TCTN3: variants seen among roughly 807,000 people sequenced by gnomAD.
TCTN3 encodes the protein tectonic family member 3.
Under a neutral mutation model 71.3 loss-of-function variants are expected in TCTN3, and 57 were observed. That is an observed-to-expected ratio of 0.80 (90% CI 0.65 to 1.00). The LOEUF (loss-of-function observed/expected upper bound fraction) is 1.00. Among genes scored for constraint, TCTN3 ranks in the 50% least tolerant of loss-of-function variants. The probability of loss-of-function intolerance (pLI) is 0.00; values close to 1 mark genes in which losing one functional copy is unlikely to be tolerated. For missense variants in TCTN3, 696 were observed against 719.9 expected, an observed-to-expected ratio of 0.97 and a Z score of 0.38; for synonymous variants, 258 against 267.8, an observed-to-expected ratio of 0.96 and a Z score of 0.36.
chr10:95,685,618 G>A lies in TCTN3; in HGVS notation c.907C>T (p.Leu303Phe). Residue 303 changes from leucine (L) to phenylalanine (F), a missense_variant, in exon 8 of 14, where the codon CTT (leucine) becomes TTT (phenylalanine). Physicochemically the swap from Leu to Phe is conservative, Grantham distance 22. Transcript: ENST00000371217. ...AGAGGAGCATTAGCCTGTGAGGTAA[G>A]TATTACAGGAACCTGGAACTAGCAA... is the stretch of plus-strand genomic sequence containing the variant. ...QNMEFQVPVI[L>F]TSQANAPLLA... The A allele has an allele frequency of 6.4e-7, 1 of 1,551,348 alleles. No individual in the cohort carries two copies. Among genetic ancestry groups the A allele is most frequent in the Non-Finnish European group, 8.7e-7 (1 of 1,146,784 alleles).
chr10:95,682,622 T>C, intron 12 of TCTN3, 29 bp downstream of exon 12: 1 of 1,600,154 alleles, frequency 6.2e-7, no homozygotes, highest in Middle Eastern at 1.7e-4. Context: ...AAAATGAGTC[T>C]TCATCAGAAA....
intron 12 of TCTN3, among the ~76,000 whole-genome samples, chr10:95,680,810 G>A (rs1200668439): frequency 1.5e-5 from 2 of 136,766 alleles, no homozygotes; most frequent in East Asian, 4.3e-4. Context: ...ACGAAGTCTC[G>A]CACTGTCACC....
At position 95,685,730 on chromosome 10, in the gene TCTN3, T is replaced by G; in HGVS notation, c.889-94A>C. On this transcript the variant is annotated intron_variant, in intron 7 of 13. Transcript: ENST00000371217. ...ATCATGCTAAGATGAGTATTTTTCC[T>G]TCCCCTTGACCACCCTCTCTCTCTC... is the stretch of plus-strand genomic sequence containing the variant. 2 of 1,007,084 alleles carry G rather than the reference T, an allele frequency of 2.0e-6. 1 individual carries two copies. 62.4% of individuals were successfully genotyped at this position (1,007,084 alleles called of 1,614,324 possible).
chr10:95,670,021 G>A (rs1466293077), intron 13 of TCTN3, among the ~76,000 whole-genome samples: 4 of 132,648 alleles, frequency 3.0e-5, no homozygotes, highest in East Asian at 2.2e-4. Flanking sequence ...CCGAGATTGC[G>A]CCACTGCACT....
chr10:95,691,772 C>T (rs372260172), intron 3 of TCTN3, among the ~76,000 whole-genome samples: 20 of 152,328 alleles, frequency 1.3e-4, no homozygotes, highest in Middle Eastern at 3.4e-3. Context: ...TCTAAGTCCA[C>T]TAACCATCCC....
chr10:95,692,961 T>C lies in TCTN3; in HGVS notation c.458A>G (p.Asp153Gly). The C allele has an allele frequency of 6.2e-7, 1 of 1,614,072 alleles. No homozygotes were observed. ...ACAAAACTGCCTGATTCCATTAGAA[T>C]CCATGAAAACTCTTGAAGGAAACGG... The part of the protein sequence containing the change: ...NSPFPSRVFM[D>G]SNGIRQFCVH... Residue 153 changes from aspartate (D) to glycine (G), a missense_variant, in exon 3 of 14, where the codon GAT becomes GGT. Transcript: ENST00000371217.
intron 7 of TCTN3, 124 bp downstream of exon 7, chr10:95,686,371 A>T: frequency 1.0e-6 from 1 of 997,096 alleles, no homozygotes; most frequent in African/African-American, 1.6e-5. Context: ...TTAGATCCCT[A>T]CTTAATTGTT....
Position 95,687,583 on chromosome 10 carries a change from C to G in TCTN3, c.627+9G>C, listed in dbSNP as rs1430167624. On this transcript the variant is annotated intron_variant, in intron 4 of 13. Coordinates refer to ENST00000371217, the MANE Select transcript of TCTN3 (RefSeq NM_015631.6). The stretch of plus-strand genomic sequence containing the variant: ...AACCAAACAATCCCATCCCCTTCCC[C>G]AGGCTCACCCTGTAAAAAGATGGTG... 1 of 1,610,932 alleles carries G rather than the reference C, an allele frequency of 6.2e-7. No individual in the cohort carries two copies.
chr10:95,692,702 G>A lies in TCTN3; in HGVS notation c.499+218C>T, dbSNP rs190677630. Reference sequence around the variant, plus strand: ...CCACCGGCCGCATGCAGCCCAGGACGGCTTATGAATGCAGCCCAACAACAC... The same window carrying A: ...CCACCGGCCGCATGCAGCCCAGGACAGCTTATGAATGCAGCCCAACAACAC... On this transcript the variant is annotated intron_variant, in intron 3 of 13. Coordinates refer to ENST00000371217, the MANE Select transcript of TCTN3 (RefSeq NM_015631.6). Among the ~76,000 whole-genome samples the A allele has an allele frequency of 1.6e-3, 249 of 152,216 alleles. 2 individuals are homozygous for A. The highest frequency in any genetic ancestry group is 5.7e-3 in the African/African-American group (235 of 41,528).
intron 13 of TCTN3, among the ~76,000 whole-genome samples, chr10:95,679,557 A>C (rs2097940707): frequency 1.3e-5 from 2 of 150,762 alleles, no homozygotes; most frequent in South Asian, 4.2e-4. Context: ...TTATATGTGA[A>C]TAATTTCACT....
chr10:95,677,477 T>G (rs1405414242), intron 13 of TCTN3, among the ~76,000 whole-genome samples: 3 of 73,004 alleles, frequency 4.1e-5, no homozygotes, highest in Non-Finnish European at 6.5e-5. Context: ...GTCTACAGTT[T>G]TTTTTGTTTT....
At chr10:95,679,812 G>A (rs990529431) in intron 13 of TCTN3, among the ~76,000 whole-genome samples, 3 of 151,732 alleles carry the variant, frequency 2.0e-5, no homozygotes, top group Non-Finnish European at 2.9e-5. Flanking sequence ...GGATGGTCTC[G>A]ATCTCCTGAC....
At position 95,687,583 on chromosome 10, in the gene TCTN3, C is replaced by T; in HGVS notation, c.627+9G>A. On this transcript the variant is annotated intron_variant, in intron 4 of 13. Transcript: ENST00000371217. ...AACCAAACAATCCCATCCCCTTCCC[C>T]AGGCTCACCCTGTAAAAAGATGGTG... 1 of 1,611,050 alleles carries T rather than the reference C, an allele frequency of 6.2e-7. No individual in the cohort carries two copies. Among genetic ancestry groups the T allele is most frequent in the Middle Eastern group, 1.7e-4 (1 of 6,056 alleles).
Position 95,683,513 on chromosome 10 carries a change from A to C in TCTN3, c.1203+9T>G. The stretch of plus-strand genomic sequence containing the variant: ...GCTGCAACAGGCCACCCAGCTCTAA[A>C]AAGGATACTGAGTAACTTATATCAT... On this transcript the variant is annotated intron_variant, in intron 10 of 13. Transcript: ENST00000371217. 6.2e-7 allele frequency: 1 copy of C among 1,614,202 alleles called. No homozygotes were observed. Among genetic ancestry groups the C allele is most frequent in the South Asian group, 1.1e-5 (1 of 91,080 alleles).
Position 95,685,645 on chromosome 10 carries a change from G to A in TCTN3, c.889-9C>T, listed in dbSNP as rs924437747. 3.2e-6 allele frequency: 5 copies of A among 1,548,924 alleles called. No individual in the cohort carries two copies. In the South Asian group the frequency reaches 3.6e-5, roughly 11 times the overall value. On this transcript the variant is annotated splice_polypyrimidine_tract_variant and intron_variant, in intron 7 of 13. Coordinates refer to ENST00000371217, the MANE Select transcript of TCTN3 (RefSeq NM_015631.6). ...ATTACAGGAACCTGGAACTAGCAAC[G>A]AAAAGAAGCAAATTAACTAAAACTG...
chr10:95,671,913 TG>T (rs1372543873), intron 13 of TCTN3, among the ~76,000 whole-genome samples: 1 of 152,008 alleles, frequency 6.6e-6, no homozygotes, highest in Non-Finnish European at 1.5e-5. Context: ...TTTTTTTAAA[TG>T]TTTTTTTGTT....
intron 13 of TCTN3, among the ~76,000 whole-genome samples, chr10:95,674,491 T>A (rs1039604007): frequency 6.6e-6 from 1 of 152,164 alleles, no homozygotes; most frequent in Non-Finnish European, 1.5e-5. Flanking sequence ...TATCCATATG[T>A]ATATTTTTAA....
Position 95,682,643 on chromosome 10 carries a change from C to T in TCTN3, c.1452+8G>A. 3 of 1,608,706 alleles carry T rather than the reference C, an allele frequency of 1.9e-6. No individual in the cohort carries two copies. Among genetic ancestry groups the T allele is most frequent in the Non-Finnish European group, 2.5e-6 (3 of 1,178,284 alleles). Reference sequence around the variant, plus strand: ...AGTCTTCATCAGAAAGTATATTTCTCTCCTTACTGAAATGCTGCAGTGCCT... The same window carrying T: ...AGTCTTCATCAGAAAGTATATTTCTTTCCTTACTGAAATGCTGCAGTGCCT... On this transcript the variant is annotated splice_region_variant and intron_variant, in intron 12 of 13. Transcript: ENST00000371217.
rs1409763130 is a variant in TCTN3, at chr10:95,677,479, TTTTG to T, written c.1590+2989_1590+2992del. ...AGAAGATAGTGAAGTCTACAGTTTT[TTTTG>T]TTTTTTTTTTTTTTTTTTGCTGTAT... On this transcript the variant is annotated intron_variant, in intron 13 of 13. Transcript: ENST00000371217. Among the ~76,000 whole-genome samples the T allele has an allele frequency of 1.8e-3, 146 of 80,536 alleles. 12 individuals are homozygous for T. Among genetic ancestry groups the T allele is most frequent in the South Asian group, 2.6e-3 (7 of 2,646 alleles). The allele number at this position is 80,536 out of a possible 152,430, so 52.8% of individuals were successfully genotyped here.
Sources: allele counts gnomAD v4.1 joint callset (sites outside exome capture counted in the v4.1 genomes callset), GRCh38; gene constraint gnomAD v4.1.1; transcripts MANE v1.5; gene names NCBI Gene and HGNC (gene_info 2026-07-23, HGNC 2026-07-21).